Variants in CNTN4 observed in about 807,000 individuals in gnomAD.
CNTN4 encodes contactin-4.
Under a neutral mutation model 122.5 loss-of-function variants are expected in CNTN4, and 77 were observed. The observed-to-expected ratio is 0.63, with a 90% CI of 0.52 to 0.76. The LOEUF is 0.76. CNTN4 is among the 30% of genes least tolerant of loss of function. The probability of loss-of-function intolerance (pLI) is 0.00; values close to 1 mark genes in which losing one functional copy is unlikely to be tolerated. For synonymous variants in CNTN4, 512 were observed against 447.0 expected (o/e 1.15, Z -1.83); for missense variants, 1,256 against 1,259.1 (o/e 1.00, Z 0.04).
intron 2 of CNTN4, among the ~76,000 whole-genome samples, chr3:2,309,824 C>G (rs1278460176): frequency 6.6e-6 from 1 of 152,116 alleles, no homozygotes; most frequent in Non-Finnish European, 1.5e-5. Flanking sequence ...AAACCATTTG[C>G]CACCTCTGTT....
intron 3 of CNTN4, among the ~76,000 whole-genome samples, chr3:2,567,605 A>G (rs2079228977): frequency 6.6e-6 from 1 of 151,608 alleles, no homozygotes; most frequent in African/African-American, 2.4e-5. Context: ...TGGCAGATAG[A>G]TATCTTGCTG....
intron 2 of CNTN4, among the ~76,000 whole-genome samples, chr3:2,174,628 C>G (rs999951544): frequency 6.6e-6 from 1 of 152,118 alleles, no homozygotes; most frequent in Non-Finnish European, 1.5e-5. Context: ...TCTGATAGGC[C>G]AGTCTTGTGT....
At chr3:2,917,942 A>G (rs2094387418) in intron 12 of CNTN4, among the ~76,000 whole-genome samples, 1 of 152,066 alleles carries the variant, frequency 6.6e-6, no homozygotes, top group Admixed American at 6.6e-5. Flanking sequence ...ATTGGCACCA[A>G]CAATATTCCA....
At chr3:2,263,193 A>C (rs2040907631) in intron 2 of CNTN4, among the ~76,000 whole-genome samples, 2 of 152,168 alleles carry the variant, frequency 1.3e-5, no homozygotes, top group Non-Finnish European at 2.9e-5. Flanking sequence ...ATTTTAATAT[A>C]TCCTATATTT....
chr3:2,504,852 T>C (rs927939082), intron 3 of CNTN4, among the ~76,000 whole-genome samples: 1 of 152,088 alleles, frequency 6.6e-6, no homozygotes, highest in African/African-American at 2.4e-5. Flanking sequence ...GATAGGCTCT[T>C]TAAAAATGTC....
intron 2 of CNTN4, among the ~76,000 whole-genome samples, chr3:2,115,485 A>G (rs2033286523): frequency 6.6e-6 from 1 of 152,224 alleles, no homozygotes; most frequent in African/African-American, 2.4e-5. Context: ...GCTTTCTGTT[A>G]GGGACATCCA....
intron 3 of CNTN4, among the ~76,000 whole-genome samples, chr3:2,537,164 A>G (rs535290091): frequency 1.6e-4 from 24 of 152,256 alleles, no homozygotes; most frequent in Non-Finnish European, 2.9e-4. Flanking sequence ...TTAGGAAACC[A>G]TGTAGTGCAT....
chr3:2,614,103 G>T (rs2081612048), intron 4 of CNTN4, among the ~76,000 whole-genome samples: 1 of 152,162 alleles, frequency 6.6e-6, no homozygotes, highest in Non-Finnish European at 1.5e-5. Flanking sequence ...GTGAGAGCAG[G>T]CCAGTGGGTA....
intron 3 of CNTN4, among the ~76,000 whole-genome samples, chr3:2,465,093 A>G (rs1183004187): frequency 6.6e-6 from 1 of 152,198 alleles, no homozygotes; most frequent in Non-Finnish European, 1.5e-5. Context: ...ACTGTATTGT[A>G]CATTTGAAAA....
intron 14 of CNTN4, among the ~76,000 whole-genome samples, chr3:3,016,728 T>A (rs1487423603): frequency 6.6e-6 from 1 of 152,138 alleles, no homozygotes; most frequent in African/African-American, 2.4e-5. Flanking sequence ...ACCTGACTGA[T>A]TGTTTCCCAA....
At position 2,564,055 on chromosome 3, in the gene CNTN4, T is replaced by G. The variant is rs139562500; in HGVS notation, c.-88-7361T>G. 2.7e-4 allele frequency among the ~76,000 whole-genome samples: 41 copies of G among 152,282 alleles called. No individual in the cohort carries two copies. The East Asian group carries it at 6.5e-3, about 24-fold the overall frequency. On this transcript the variant is annotated intron_variant, in intron 3 of 24. Coordinates refer to ENST00000418658, the MANE Select transcript of CNTN4 (RefSeq NM_175607.3). ...ATTCCTGTCTGTCATTGGGAATGAT[T>G]AAGAGAGTTGAATATCATCATTCAT...
At chr3:2,490,034 G>T (rs2076270748) in intron 3 of CNTN4, among the ~76,000 whole-genome samples, 1 of 151,646 alleles carries the variant, frequency 6.6e-6, no homozygotes, top group South Asian at 2.1e-4. Flanking sequence ...CCTATACAGA[G>T]GTTTCTGAAA....
At chr3:2,633,434 C>T (rs948694622) in intron 4 of CNTN4, among the ~76,000 whole-genome samples, 1 of 152,178 alleles carries the variant, frequency 6.6e-6, no homozygotes, top group African/African-American at 2.4e-5. Context: ...GATGTCTACA[C>T]ATTGTCTGAT....
chr3:2,329,672 G>T (rs1293602471), intron 2 of CNTN4, among the ~76,000 whole-genome samples: 1 of 152,108 alleles, frequency 6.6e-6, no homozygotes, highest in Non-Finnish European at 1.5e-5. Context: ...AAGTTACTTT[G>T]ACTCACAGAA....
chr3:2,657,640 G>A (rs989969428), intron 4 of CNTN4, among the ~76,000 whole-genome samples: 6 of 152,124 alleles, frequency 3.9e-5, no homozygotes, highest in East Asian at 1.9e-4. Flanking sequence ...CATGGGGTGC[G>A]TATGCGCAGT....
Position 2,270,150 on chromosome 3 carries a change from C to T in CNTN4, c.-144-69028C>T, listed in dbSNP as rs182331610. On this transcript the variant is annotated intron_variant, in intron 2 of 24. Coordinates refer to ENST00000418658, the MANE Select transcript of CNTN4 (RefSeq NM_175607.3). ...ATTTTTAGTAGAGACGGGGTTTCACCTTGTTAGCCAGGATGGTCTCGATCT... is the reference window on the plus strand; with the variant it reads ...ATTTTTAGTAGAGACGGGGTTTCACTTTGTTAGCCAGGATGGTCTCGATCT... Among the ~76,000 whole-genome samples the T allele has an allele frequency of 3.8e-3, 372 of 98,332 alleles. 70 individuals are homozygous for T. Among genetic ancestry groups the T allele is most frequent in the African/African-American group, 0.011 (361 of 31,620 alleles). 64.5% of individuals were successfully genotyped at this position (98,332 alleles called of 152,430 possible).
chr3:2,815,193 C>G (rs1366054323), intron 6 of CNTN4, among the ~76,000 whole-genome samples: 1 of 152,096 alleles, frequency 6.6e-6, no homozygotes, highest in African/African-American at 2.4e-5. Flanking sequence ...ATTTCATGAC[C>G]AAGAGAACCC....
intron 15 of CNTN4, 84 bp downstream of exon 15, chr3:3,026,361 T>C: frequency 8.1e-7 from 1 of 1,227,670 alleles, no homozygotes; most frequent in Non-Finnish European, 1.2e-6. Context: ...TTTTAGAATT[T>C]TGTTCAAGTA....
At chr3:2,381,462 T>A (rs997066170) in intron 3 of CNTN4, among the ~76,000 whole-genome samples, 9 of 152,186 alleles carry the variant, frequency 5.9e-5, no homozygotes, top group African/African-American at 2.2e-4. Context: ...TACTTAGCTA[T>A]CACTAGTCTG....
Sources: gnomAD v4.1 joint callset for allele counts (sites outside exome capture counted in the v4.1 genomes callset) on GRCh38, gnomAD v4.1.1 for gene constraint, MANE v1.5 for transcripts, NCBI Gene and HGNC (gene_info 2026-07-23, HGNC 2026-07-21) for gene names.